Variants in URB1 observed in about 807,000 individuals in gnomAD.
The protein encoded by URB1 is URB1 ribosome biogenesis factor, also known as nucleolar pre-ribosomal-associated protein 1.
URB1 carries 197 observed loss-of-function variants against 242.3 expected under a neutral mutation model. The observed-to-expected ratio is 0.81, with a 90% CI of 0.72 to 0.91. The LOEUF is 0.91. Among genes scored for constraint, URB1 ranks in the 40% least tolerant of loss-of-function variants. The probability of loss-of-function intolerance (pLI) is 0.00; values close to 1 mark genes in which losing one functional copy is unlikely to be tolerated. For synonymous variants in URB1, 1,153 were observed against 1,201.8 expected, an observed-to-expected ratio of 0.96 and a Z score of 0.84; for missense variants, 2,721 against 2,860.5, an observed-to-expected ratio of 0.95 and a Z score of 1.11.
In URB1 at chr21:32,315,091, C is replaced by T. The variant is rs1395595827; in HGVS notation, c.6643G>A (p.Ala2215Thr). 7.9e-6 allele frequency: 12 copies of T among 1,524,418 alleles called. No individual in the cohort carries two copies. The highest frequency in any genetic ancestry group is 8.0e-6 in the Non-Finnish European group (9 of 1,129,036). The allele number at this position is 1,524,418 out of a possible 1,614,324, so 94.4% of individuals were successfully genotyped here. ...TTTATGTAGAGAGACACTAGGAATG[C>T]TGCGGAGGCTGAACAAGAGCAGGGG... ...EKDEATQASA[A>T]FLVSLYIKDI... The change falls in exon 39 of 39, where the codon GCA (alanine) becomes ACA (threonine). Residue 2215 changes from alanine to threonine, a missense_variant. By Grantham distance (58) the Ala-to-Thr change is moderately conservative (BLOSUM62 0). Transcript: ENST00000382751.
Position 32,347,581 on chromosome 21 carries a change from C to T in URB1, c.3243G>A (p.Gln1081=), listed in dbSNP as rs1227850125. 7.7e-6 allele frequency: 12 copies of T among 1,551,412 alleles called. No individual in the cohort carries two copies. In the African/African-American group the frequency reaches 1.5e-4, roughly 19 times the overall value. The part of the protein sequence containing the change: ...LLARYSEAIT[Q]SVLKELQNRR... ...TGTTCTGAAGTTCCTTCAGCACACT[C>T]TGGGTGATGGCCTCTGAGTACCTGG... The change falls in exon 22 of 39, where the codon CAG becomes CAA. Residue 1081 remains glutamine (Q), a synonymous_variant. Coordinates refer to ENST00000382751, the MANE Select transcript of URB1 (RefSeq NM_014825.3).
intron 38 of URB1, 116 bp downstream of exon 38, chr21:32,316,350 T>C: frequency 7.1e-7 from 1 of 1,412,236 alleles, no homozygotes; most frequent in Non-Finnish European, 9.3e-7. Flanking sequence ...ACAAGCACAA[T>C]ACCCAGCTGA....
rs867067528 is a variant in URB1, at chr21:32,321,917, C to T, written c.5368G>A (p.Gly1790Ser). Residue 1790 changes from glycine (G) to serine (S), a missense_variant, in exon 34 of 39, where the codon GGC (glycine) becomes AGC (serine). Coordinates refer to ENST00000382751, the MANE Select transcript of URB1 (RefSeq NM_014825.3). ...TCACGGATCCCCTGCCGCAGAACGC[C>T]AAACACCCACTTCTGCTCTGTTTTT... ...EQKTEQKWVF[G>S]VLRQGIRDKQ... The T allele has an allele frequency of 2.1e-5, 32 of 1,551,512 alleles. No individual in the cohort carries two copies. In the African/African-American group the frequency reaches 4.0e-4, roughly 19 times the overall value.
chr21:32,321,998 T>G, intron 33 of URB1, 54 bp from the exon 34 acceptor site: 1 of 1,536,144 alleles, frequency 6.5e-7, no homozygotes, highest in South Asian at 1.2e-5. Context: ...TCCTTTCATC[T>G]GACAACTGTT....
chr21:32,360,255 A>G (rs1377263237), intron 13 of URB1, among the ~76,000 whole-genome samples: 2 of 152,302 alleles, frequency 1.3e-5, no homozygotes, highest in Non-Finnish European at 1.5e-5. Context: ...CTCCCCAGAC[A>G]GCAAGCATTT....
intron 2 of URB1, 118 bp downstream of exon 2, chr21:32,385,427 A>G: frequency 7.1e-7 from 1 of 1,399,240 alleles, no homozygotes; most frequent in Non-Finnish European, 9.5e-7. Flanking sequence ...CACAGGGACA[A>G]AGCATCATTT....
chr21:32,323,900 T>C (rs1180726314), intron 32 of URB1, among the ~76,000 whole-genome samples: 2 of 152,048 alleles, frequency 1.3e-5, no homozygotes, highest in African/African-American at 4.8e-5. Context: ...GAGGTCGAGG[T>C]TGCAGTGAGC....
At chr21:32,323,955 C>T (rs530673851) in intron 32 of URB1, among the ~76,000 whole-genome samples, 3 of 152,130 alleles carry the variant, frequency 2.0e-5, no homozygotes, top group African/African-American at 7.2e-5. Context: ...AGTGCCAGAC[C>T]GTGTCTCCAA....
At chr21:32,380,734 G>C (rs997444386) in intron 4 of URB1, among the ~76,000 whole-genome samples, 1 of 152,162 alleles carries the variant, frequency 6.6e-6, no homozygotes, top group African/African-American at 2.4e-5. Context: ...GATGAATGCT[G>C]GTAAAATGCT....
In URB1 at chr21:32,316,736, T is replaced by C; in HGVS notation, c.6364A>G (p.Ile2122Val). The change falls in exon 38 of 39, where the codon ATT (isoleucine) becomes GTT (valine). Residue 2122 changes from isoleucine to valine, a missense_variant. Physicochemically the swap from Ile to Val is conservative, Grantham distance 29. Transcript: ENST00000382751. ...PLSRAEAAGL[I>V]GWLKSHILPH... is the part of the protein sequence containing the mutation. The stretch of plus-strand genomic sequence containing the variant: ...AAAATATGGCTCTTAAGCCAGCCAA[T>C]GAGTCCTGCAGCCTCTGCCCTGCTG... The C allele has an allele frequency of 6.4e-7, 1 of 1,551,336 alleles. No individual in the cohort carries two copies. Among genetic ancestry groups the C allele is most frequent in the Non-Finnish European group, 8.7e-7 (1 of 1,146,916 alleles).
In URB1 at chr21:32,387,788, T is replaced by C. The variant is rs531372239; in HGVS notation, c.143-2104A>G. Reference sequence around the variant, plus strand: ...TGGGCATCCCTAAGGGGTCCTTCCTTCTCTGCCTTGGGGCCACAGGCAATG... The same window carrying C: ...TGGGCATCCCTAAGGGGTCCTTCCTCCTCTGCCTTGGGGCCACAGGCAATG... On this transcript the variant is annotated intron_variant, in intron 1 of 38. Coordinates refer to ENST00000382751, the MANE Select transcript of URB1 (RefSeq NM_014825.3). Among the ~76,000 whole-genome samples, 5 of 152,274 alleles carry C rather than the reference T, an allele frequency of 3.3e-5. No homozygotes were observed. In the East Asian group the frequency reaches 9.7e-4, roughly 29 times the overall value.
In URB1 at chr21:32,347,676, C is replaced by A. The variant is rs1457578424; in HGVS notation, c.3148G>T (p.Ala1050Ser). Residue 1050 changes from alanine to serine, a missense_variant, in exon 22 of 39, where the codon GCA becomes TCA. Transcript: ENST00000382751. ...LVKLLATHFS[A>S]GVLQLLAASA... ...GCTGCCAGCAGCTGAAGGACCCCTG[C>A]ACTAAAGTGGGTGGCCAGGAGCTTC... The A allele has an allele frequency of 1.5e-5, 24 of 1,551,448 alleles. No homozygotes were observed. Among genetic ancestry groups the A allele is most frequent in the Admixed American group, 3.9e-5 (2 of 50,996 alleles).
chr21:32,331,874 T>C (rs2032897202), intron 30 of URB1, among the ~76,000 whole-genome samples: 1 of 152,140 alleles, frequency 6.6e-6, no homozygotes. Context: ...AGGATGTTCC[T>C]CTCCTGGGCA....
At position 32,354,009 on chromosome 21, in the gene URB1, C is replaced by T. The variant is rs372511273; in HGVS notation, c.2340G>A (p.Thr780=). Residue 780 remains threonine (T), a synonymous_variant, in exon 18 of 39, where the codon ACG becomes ACA. Transcript: ENST00000382751. ...CAGGGACTACCGCACTGAATGGGAA[C>T]GTGAGCAGGATCATGTCTTCACTCA... The part of the protein sequence containing the change: ...FTLSEDMILL[T]FPFSAVVPAA... 2.6e-5 allele frequency: 40 copies of T among 1,551,660 alleles called. 1 individual carries two copies. Among genetic ancestry groups the T allele is most frequent in the South Asian group, 1.4e-4 (12 of 84,068 alleles).
chr21:32,366,519 A>G (rs2033348246), intron 10 of URB1, 99 bp downstream of exon 10: 5 of 1,490,100 alleles, frequency 3.4e-6, no homozygotes, highest in African/African-American at 1.4e-5. Context: ...ACAAAACACA[A>G]TCAAACACAT....
chr21:32,361,195 G>GAAAGAAAGAAAGAAAGAAAGAAAGAAAC, intron 12 of URB1, 72 bp from the exon 13 acceptor site: 1 of 904,016 alleles, frequency 1.1e-6, no homozygotes. Flanking sequence ...AAGAAAGAAA[G>GAAAGAAAGAAAGAAAGAAAGAAAGAAAC]AAAGAAAGAA....
rs142897309 is a variant in URB1, at chr21:32,311,985, T to A, written c.*2933A>T. On this transcript the variant is annotated 3_prime_UTR_variant, in exon 39 of 39. Transcript: ENST00000382751. ...TCCCCCTGGAGACAGGACCTCTCAA[T>A]TGCAGAGCTGATGTCAGTAAATCGT... 2.3e-4 allele frequency: 376 copies of A among 1,613,258 alleles called. 3 individuals carry two copies. The African/African-American group carries it at 3.5e-3, about 15-fold the overall frequency.
At position 32,350,781 on chromosome 21, in the gene URB1, G is replaced by A. The variant is rs2033147876; in HGVS notation, c.2755C>T (p.Leu919=). 1 of 1,551,530 alleles carries A rather than the reference G, an allele frequency of 6.4e-7. No homozygotes were observed. The stretch of plus-strand genomic sequence containing the variant: ...GCGAGCAGGACCTGCTGCATGGACA[G>A]GTGTGGCATGGTGGCCTGCAGCTGC... ...QVQLQATMPH[L]SMQQVLLAAK... Residue 919 remains leucine (L), a synonymous_variant, in exon 20 of 39, where the codon CTG becomes TTG. Coordinates refer to ENST00000382751, the MANE Select transcript of URB1 (RefSeq NM_014825.3).
In URB1 at chr21:32,392,806, G is replaced by A; in HGVS notation, c.105C>T (p.Phe35=). 6.5e-7 allele frequency: 1 copy of A among 1,529,524 alleles called. No homozygotes were observed. Among genetic ancestry groups the A allele is most frequent in the Non-Finnish European group, 8.7e-7 (1 of 1,143,344 alleles). 94.7% of individuals were successfully genotyped at this position (1,529,524 alleles called of 1,614,324 possible). A position where few individuals can be genotyped will look rare whatever the true frequency, so the allele number is the denominator to read the frequency against. ...CCTGCGGGTCCTTCAGCTGAGCCTTGAACCGCACGCCCGTGAGCTCTTCTT... is the reference window on the plus strand; with the variant it reads ...CCTGCGGGTCCTTCAGCTGAGCCTTAAACCGCACGCCCGTGAGCTCTTCTT... ...ARKEELTGVR[F]KAQLKDPQGP... is the part of the protein sequence containing the mutation. Residue 35 remains phenylalanine, a synonymous_variant, in exon 1 of 39, where the codon TTC becomes TTT. Coordinates refer to ENST00000382751, the MANE Select transcript of URB1 (RefSeq NM_014825.3).
Sources: gnomAD v4.1 joint callset for allele counts (sites outside exome capture counted in the v4.1 genomes callset) on GRCh38, gnomAD v4.1.1 for gene constraint, MANE v1.5 for transcripts, NCBI Gene and HGNC (gene_info 2026-07-23, HGNC 2026-07-21) for gene names.